Variants in SLX4IP observed in about 807,000 individuals in gnomAD.
SLX4IP encodes the protein SLX4 interacting protein.
SLX4IP carries 34 observed loss-of-function variants against 32.9 expected under a neutral mutation model. That is an observed-to-expected ratio of 1.03 (90% CI 0.79 to 1.38). SLX4IP has a LOEUF of 1.38. Among genes scored for constraint, SLX4IP ranks in the 40% most tolerant of loss-of-function variants. The pLI is 0.00. For missense variants in SLX4IP, 444 were observed against 479.0 expected, an observed-to-expected ratio of 0.93 and a Z score of 0.68; for synonymous variants, 172 against 171.7, an observed-to-expected ratio of 1.00 and a Z score of -0.01.
At chr20:10,505,727 CCT>C (rs2065753744) in intron 2 of SLX4IP, among the ~76,000 whole-genome samples, 1 of 152,076 alleles carries the variant, frequency 6.6e-6, no homozygotes, top group Non-Finnish European at 1.5e-5. Context: ...CTATTTCTGT[CCT>C]CTGTCTCTCT....
chr20:10,498,363 T>A (rs2065687358), intron 2 of SLX4IP, among the ~76,000 whole-genome samples: 1 of 152,012 alleles, frequency 6.6e-6, no homozygotes, highest in Non-Finnish European at 1.5e-5. Context: ...TCCCACCCAG[T>A]GTGGCCTCAG....
chr20:10,618,937 G>T (rs1172254987), intron 6 of SLX4IP, among the ~76,000 whole-genome samples: 1 of 149,114 alleles, frequency 6.7e-6, no homozygotes, highest in East Asian at 2.0e-4. Flanking sequence ...GGGGCTTGGG[G>T]GTTGGGGGGG....
intron 2 of SLX4IP, among the ~76,000 whole-genome samples, chr20:10,467,039 A>G (rs1431404004): frequency 6.6e-6 from 1 of 152,228 alleles, no homozygotes; most frequent in East Asian, 1.9e-4. Context: ...TAGTAAAAGT[A>G]TAGAGCAGCT....
chr20:10,538,306 T>A (rs1415176122), intron 2 of SLX4IP, among the ~76,000 whole-genome samples: 1 of 152,104 alleles, frequency 6.6e-6, no homozygotes, highest in Non-Finnish European at 1.5e-5. Flanking sequence ...GTTTCTCTAC[T>A]TTGGCACTAA....
intron 6 of SLX4IP, 29 bp from the exon 7 acceptor site, chr20:10,621,285 G>A: frequency 6.3e-7 from 1 of 1,591,824 alleles, no homozygotes; most frequent in Admixed American, 1.7e-5. Flanking sequence ...ATAGATTTCT[G>A]GTTGAACCTT....
chr20:10,525,344 A>T (rs950896075), intron 2 of SLX4IP, among the ~76,000 whole-genome samples: 1 of 152,118 alleles, frequency 6.6e-6, no homozygotes, highest in Admixed American at 6.5e-5. Context: ...TTGATGTTAT[A>T]TATTGACCTT....
At chr20:10,600,165 A>C (rs1476926392) in intron 5 of SLX4IP, among the ~76,000 whole-genome samples, 1 of 152,202 alleles carries the variant, frequency 6.6e-6, no homozygotes, top group Non-Finnish European at 1.5e-5. Context: ...CTAATGAATA[A>C]ATATTAATTG....
At chr20:10,490,902 A>G (rs374619472) in intron 2 of SLX4IP, among the ~76,000 whole-genome samples, 4 of 152,278 alleles carry the variant, frequency 2.6e-5, no homozygotes, top group South Asian at 4.1e-4. Context: ...TTCTGCTACA[A>G]CACAGATGGC....
At chr20:10,451,690 C>T (rs998835986) in intron 1 of SLX4IP, among the ~76,000 whole-genome samples, 2 of 152,098 alleles carry the variant, frequency 1.3e-5, no homozygotes, top group Non-Finnish European at 2.9e-5. Flanking sequence ...ATAGATTGGC[C>T]AGGCACGGTG....
chr20:10,522,436 G>A (rs1278684873), intron 2 of SLX4IP, among the ~76,000 whole-genome samples: 1 of 152,144 alleles, frequency 6.6e-6, no homozygotes, highest in East Asian at 1.9e-4. Flanking sequence ...GGGTGGAGGT[G>A]CTCTGTTGGT....
intron 2 of SLX4IP, among the ~76,000 whole-genome samples, chr20:10,520,501 A>G (rs971024518): frequency 2.6e-5 from 4 of 151,434 alleles, no homozygotes; most frequent in African/African-American, 7.3e-5. Context: ...TTTGAAGCAC[A>G]AGTGTTTTTA....
chr20:10,609,625 A>G (rs2066943050), intron 6 of SLX4IP, among the ~76,000 whole-genome samples: 1 of 152,056 alleles, frequency 6.6e-6, no homozygotes, highest in African/African-American at 2.4e-5. Context: ...GCTGGACTTC[A>G]TGTTTACCCA....
chr20:10,554,149 T>C (rs907313795), intron 2 of SLX4IP, among the ~76,000 whole-genome samples: 1 of 152,236 alleles, frequency 6.6e-6, no homozygotes, highest in Admixed American at 6.5e-5. Context: ...AATTACTGTT[T>C]TGATTCCTTT....
chr20:10,501,826 AC>A (rs1282361107), intron 2 of SLX4IP, among the ~76,000 whole-genome samples: 3 of 152,250 alleles, frequency 2.0e-5, no homozygotes, highest in Non-Finnish European at 4.4e-5. Flanking sequence ...CGAGACGCAG[AC>A]AACTTTTTAA....
intron 4 of SLX4IP, among the ~76,000 whole-genome samples, chr20:10,573,854 A>G (rs1490873580): frequency 6.6e-6 from 1 of 152,224 alleles, no homozygotes; most frequent in Admixed American, 6.5e-5. Flanking sequence ...CTCAATCAAA[A>G]CATTTTATAG....
At chr20:10,514,381 C>G (rs2065833515) in intron 2 of SLX4IP, among the ~76,000 whole-genome samples, 1 of 152,190 alleles carries the variant, frequency 6.6e-6, no homozygotes, top group Non-Finnish European at 1.5e-5. Context: ...ACTTCTTTCT[C>G]TGTTCTGTTA....
intron 2 of SLX4IP, among the ~76,000 whole-genome samples, chr20:10,460,865 T>C (rs1258527323): frequency 6.6e-6 from 1 of 152,206 alleles, no homozygotes; most frequent in Non-Finnish European, 1.5e-5. Flanking sequence ...GTCTTTCTTC[T>C]CTGATTGCTC....
In SLX4IP at chr20:10,627,434, A is replaced by T. The variant is rs2067185983; in HGVS notation, c.*4055A>T. 3 of 152,242 alleles carry T rather than the reference A, an allele frequency of 2.0e-5. No homozygotes were observed. Among genetic ancestry groups the T allele is most frequent in the Admixed American group, 1.3e-4 (2 of 15,284 alleles). The allele number at this position is 152,242 out of a possible 1,614,324, so 9.4% of individuals were successfully genotyped here. A position where few individuals can be genotyped will look rare whatever the true frequency, so the allele number is the denominator to read the frequency against. ...TAAAACGAAGTTAATTCAGGTAATT[A>T]CTCAGTACAGAAATCTAACCGTATA... On this transcript the variant is annotated 3_prime_UTR_variant, in exon 8 of 8. Transcript: ENST00000334534.
At chr20:10,436,335 G>A (rs2065113652) in intron 1 of SLX4IP, among the ~76,000 whole-genome samples, 1 of 150,806 alleles carries the variant, frequency 6.6e-6, no homozygotes, top group Non-Finnish European at 1.5e-5. Flanking sequence ...TTCAGGGCAT[G>A]GGCTAAAGAT....
Sources: allele counts gnomAD v4.1 joint callset (sites outside exome capture counted in the v4.1 genomes callset), GRCh38; gene constraint gnomAD v4.1.1; transcripts MANE v1.5; gene names NCBI Gene and HGNC (gene_info 2026-07-23, HGNC 2026-07-21).